DLEC1: variants seen among roughly 807,000 people sequenced by gnomAD.
DLEC1 encodes the protein DLEC1 cilia and flagella associated protein.
DLEC1 carries 146 observed loss-of-function variants against 198.1 expected under a neutral mutation model. The observed-to-expected ratio is 0.74, with a 90% CI of 0.64 to 0.85. The LOEUF (loss-of-function observed/expected upper bound fraction) is 0.85, where lower values mean the gene tolerates loss of function less well. DLEC1 is among the 40% of genes least tolerant of loss of function. The pLI, the probability that DLEC1 is intolerant of heterozygous loss-of-function variation, is 0.00. For synonymous variants in DLEC1, 897 were observed against 866.8 expected, an observed-to-expected ratio of 1.03 and a Z score of -0.61; for missense variants, 2,233 against 2,220.0, an observed-to-expected ratio of 1.01 and a Z score of -0.12.
At chr3:38,075,336 T>C (rs1290264890) in intron 6 of DLEC1, among the ~76,000 whole-genome samples, 2 of 152,142 alleles carry the variant, frequency 1.3e-5, no homozygotes, top group Admixed American at 1.3e-4. Flanking sequence ...GATGGAGAAA[T>C]TGAAAGTGCC....
chr3:38,070,149 TCTCC>T, intron 6 of DLEC1, among the ~76,000 whole-genome samples: 1 of 151,910 alleles, frequency 6.6e-6, no homozygotes, highest in Non-Finnish European at 1.5e-5. Context: ...CCCTTGGGGG[TCTCC>T]CAATCTGGGG....
At chr3:38,073,145 A>G (rs537790431) in intron 6 of DLEC1, among the ~76,000 whole-genome samples, 4 of 152,220 alleles carry the variant, frequency 2.6e-5, no homozygotes, top group Non-Finnish European at 5.9e-5. Flanking sequence ...TGAAAAAAGC[A>G]TCTTTAAGAT....
chr3:38,111,842 C>A, intron 24 of DLEC1, 95 bp downstream of exon 24: 1 of 1,415,466 alleles, frequency 7.1e-7, no homozygotes, highest in Non-Finnish European at 9.5e-7. Flanking sequence ...GGAGCGGGAC[C>A]AGGACCAGAG....
At chr3:38,097,972 T>G in intron 18 of DLEC1, 70 bp downstream of exon 18, 1 of 1,591,832 alleles carries the variant, frequency 6.3e-7, no homozygotes, top group Non-Finnish European at 8.6e-7. Flanking sequence ...TGGTGAAACT[T>G]GCCCTGGTGT....
intron 10 of DLEC1, among the ~76,000 whole-genome samples, chr3:38,091,794 CCA>C (rs1222358186): frequency 6.6e-6 from 1 of 151,952 alleles, no homozygotes; most frequent in Non-Finnish European, 1.5e-5. Context: ...CAAATTAAAA[CCA>C]CAGTGAGCTC....
Position 38,116,458 on chromosome 3 carries a change from C to G in DLEC1, c.3862C>G (p.Arg1288Gly), listed in dbSNP as rs369973420. 1.6e-4 allele frequency: 266 copies of G among 1,613,918 alleles called. No individual in the cohort carries two copies. Among genetic ancestry groups the G allele is most frequent in the Non-Finnish European group, 1.8e-4 (210 of 1,179,986 alleles). ...GCTCCACACATCTGCCCCAGACATC[C>G]GCCTGGATTGGGAGACCTATGTTCC... ...RLNNSSPCDI[R>G]LDWETYVPED... The change falls in exon 28 of 37, where the codon CGC becomes GGC. Residue 1288 changes from arginine (R) to glycine (G), a missense_variant. Arg to Gly is a moderately radical substitution (Grantham distance 125). Coordinates refer to ENST00000308059, the MANE Select transcript of DLEC1 (RefSeq NM_007335.4).
At chr3:38,115,621 A>G (rs1282213613) in intron 27 of DLEC1, among the ~76,000 whole-genome samples, 1 of 152,072 alleles carries the variant, frequency 6.6e-6, no homozygotes, top group African/African-American at 2.4e-5. Context: ...GGCCCTGGCC[A>G]TGCCTGCCCC....
intron 6 of DLEC1, among the ~76,000 whole-genome samples, chr3:38,071,146 T>G (rs539934999): frequency 2.0e-5 from 3 of 152,162 alleles, no homozygotes; most frequent in African/African-American, 7.2e-5. Context: ...GTGGGGTTGT[T>G]AGAAGAAACA....
At chr3:38,056,943 A>G (rs1434917636) in intron 2 of DLEC1, among the ~76,000 whole-genome samples, 1 of 152,206 alleles carries the variant, frequency 6.6e-6, no homozygotes, top group African/African-American at 2.4e-5. Flanking sequence ...GTCCTTTCAC[A>G]CCCATCAGAA....
At chr3:38,103,571 T>C (rs1699414104) in intron 19 of DLEC1, 1 of 152,286 alleles carries the variant, frequency 6.6e-6, no homozygotes, top group South Asian at 2.1e-4. Flanking sequence ...GATATTACAT[T>C]TCTTTGCATT....
chr3:38,117,975 C>G lies in DLEC1; in HGVS notation c.4655C>G (p.Thr1552Arg). Residue 1552 changes from threonine to arginine, a missense_variant, in exon 33 of 37, where the codon ACA becomes AGA. By Grantham distance (71) the Thr-to-Arg change is moderately conservative (BLOSUM62 -1). Coordinates refer to ENST00000308059, the MANE Select transcript of DLEC1 (RefSeq NM_007335.4). ...PGQKQECEEE[T>R]ASADKQLVLQ... Reference sequence around the variant, plus strand: ...CAGAAGCAGGAGTGTGAGGAGGAGACAGCCTCAGCGGACAAGCAGCTGGTG... The same window carrying G: ...CAGAAGCAGGAGTGTGAGGAGGAGAGAGCCTCAGCGGACAAGCAGCTGGTG... 6.2e-7 allele frequency: 1 copy of G among 1,613,652 alleles called. No individual in the cohort carries two copies. Among genetic ancestry groups the G allele is most frequent in the Non-Finnish European group, 8.5e-7 (1 of 1,179,774 alleles).
rs1336083845 is a variant in DLEC1, at chr3:38,116,773, G to A, written c.4063G>A (p.Val1355Ile). The change falls in exon 29 of 37, where the codon GTT becomes ATT. Residue 1355 changes from valine to isoleucine, a missense_variant and splice_region_variant. Coordinates refer to ENST00000308059, the MANE Select transcript of DLEC1 (RefSeq NM_007335.4). ...SEFSHETDSSVEGSSSASNRV... is the reference protein window; with the variant it reads ...SEFSHETDSSIEGSSSASNRV... The stretch of plus-strand genomic sequence containing the variant: ...AACCTCAGTGATTCCTTGGTGACAG[G>A]TTGAGGGCAGCTCCAGTGCCAGCAA... 2 of 1,611,764 alleles carry A rather than the reference G, an allele frequency of 1.2e-6. No individual in the cohort carries two copies. The highest frequency in any genetic ancestry group is 1.7e-4 in the Middle Eastern group (1 of 6,050).
At chr3:38,080,802 CTTTTTT>C (rs76282097) in intron 6 of DLEC1, among the ~76,000 whole-genome samples, 2 of 112,798 alleles carry the variant, frequency 1.8e-5, no homozygotes, top group Non-Finnish European at 3.5e-5. Flanking sequence ...TTCGGGTGTT[CTTTTTT>C]TTTTTTTTTT....
At chr3:38,043,477 G>A (rs74350058) in intron 1 of DLEC1, among the ~76,000 whole-genome samples, 4,441 of 152,168 alleles carry the variant, frequency 0.029, 227 homozygotes, top group African/African-American at 0.099. Context: ...AACTGTCCCA[G>A]GCCACTGTCT....
intron 6 of DLEC1, among the ~76,000 whole-genome samples, chr3:38,074,094 G>T (rs1409459887): frequency 2.0e-5 from 3 of 152,220 alleles, no homozygotes; most frequent in South Asian, 4.1e-4. Context: ...GCATTCCTTG[G>T]CCTAGTGGCC....
chr3:38,110,333 AC>A (rs1455173147), intron 23 of DLEC1, 52 bp downstream of exon 23: 2 of 1,602,572 alleles, frequency 1.2e-6, no homozygotes, highest in Admixed American at 3.4e-5. Flanking sequence ...GATGGGGTGT[AC>A]CCTGTTGAGC....
At chr3:38,070,573 C>T (rs1450076245) in intron 6 of DLEC1, among the ~76,000 whole-genome samples, 5 of 152,266 alleles carry the variant, frequency 3.3e-5, no homozygotes, top group African/African-American at 7.2e-5. Context: ...TGGGTGCAGG[C>T]GAGCTGCGTC....
intron 6 of DLEC1, among the ~76,000 whole-genome samples, chr3:38,083,666 C>G (rs1698184789): frequency 6.6e-6 from 1 of 152,202 alleles, no homozygotes; most frequent in Admixed American, 6.5e-5. Flanking sequence ...TTCAGGCCAT[C>G]TGGGCATATA....
intron 19 of DLEC1, among the ~76,000 whole-genome samples, chr3:38,104,975 A>G (rs1699494766): frequency 6.6e-6 from 1 of 152,150 alleles, no homozygotes; most frequent in Non-Finnish European, 1.5e-5. Flanking sequence ...CCTTAGTTGC[A>G]TCCTATAACT....
Sources: allele counts gnomAD v4.1 joint callset (sites outside exome capture counted in the v4.1 genomes callset), GRCh38; gene constraint gnomAD v4.1.1; transcripts MANE v1.5; gene names NCBI Gene and HGNC (gene_info 2026-07-23, HGNC 2026-07-21).